Variants in MMUT observed in about 807,000 individuals in gnomAD.
MMUT encodes the protein methylmalonyl-CoA mutase.
In MMUT, 79 loss-of-function variants were observed where a neutral mutation model predicts 79.9. That is an observed-to-expected ratio of 0.99 (90% CI 0.82 to 1.19). The LOEUF (loss-of-function observed/expected upper bound fraction) is 1.19. Ranked by LOEUF, MMUT falls within the 50% of genes most tolerant of loss-of-function variation. The probability of loss-of-function intolerance (pLI) is 0.00; values close to 1 mark genes in which losing one functional copy is unlikely to be tolerated. For synonymous variants in MMUT, 273 were observed against 295.7 expected (o/e 0.92, Z 0.79); for missense variants, 860 against 917.2 (o/e 0.94, Z 0.81).
intron 11 of MMUT, among the ~76,000 whole-genome samples, chr6:49,437,086 AT>A (rs574024920): frequency 3.0e-4 from 45 of 152,200 alleles, no homozygotes; most frequent in Admixed American, 2.1e-3. Context: ...AAAAAATAAT[AT>A]TTTTTTGAAT....
chr6:49,451,643 CA>C lies in MMUT; in HGVS notation c.1154del (p.Leu385CysfsTer15). 1 of 1,614,084 alleles carries C rather than the reference CA, an allele frequency of 6.2e-7. No individual in the cohort carries two copies. The highest frequency in any genetic ancestry group is 1.1e-5 in the South Asian group (1 of 91,078). The stretch of plus-strand genomic sequence containing the variant: ...AAGCTTCATCAAAAGAATTTGTGTG[CA>C]AAGACTGAGTCCCTCCAAATACTGC... Reference protein sequence around the residue: ...MAAVFGGTQSLHTNSFDEALG... With the variant: ...MAAVFGGTQSXHTNSFDEALG... On this transcript the variant is annotated frameshift_variant, in exon 6 of 13. Transcript: ENST00000274813. LOFTEE classifies it high-confidence loss of function.
chr6:49,444,862 T>C, intron 8 of MMUT, 108 bp from the exon 9 acceptor site: 2 of 754,464 alleles, frequency 2.7e-6, no homozygotes, highest in Non-Finnish European at 4.4e-6. Flanking sequence ...TCCATAATCC[T>C]AACTCCAAAT....
intron 9 of MMUT, 80 bp downstream of exon 9, chr6:49,444,558 AC>A (rs1767359224): frequency 9.0e-7 from 1 of 1,116,910 alleles, no homozygotes; most frequent in Non-Finnish European, 1.4e-6. Flanking sequence ...TACAGGATCA[AC>A]CTTTTATTTA....
intron 1 of MMUT, 22 bp from the exon 2 acceptor site, chr6:49,459,527 A>AGGAAGCGGAGCTTGCAGTGAGCCGAG: frequency 6.4e-7 from 1 of 1,569,812 alleles, no homozygotes; most frequent in Non-Finnish European, 8.6e-7. Context: ...AACATAGAGT[A>AGGAAGCGGAGCTTGCAGTGAGCCGAG]AAAACATTTA....
chr6:49,448,844 A>T lies in MMUT; in HGVS notation c.1416T>A (p.Ala472=). Residue 472 remains alanine, a synonymous_variant, in exon 7 of 13, where the codon GCT becomes GCA. Coordinates refer to ENST00000274813, the MANE Select transcript of MMUT (RefSeq NM_000255.4). ...GIPKLRIEEC[A]ARRQARIDSG... ...AATCTATTCTAGCTTGTCTTCGGGC[A>T]GCACATTCTTCAATTCGAAGTTTAG... The T allele has an allele frequency of 1.2e-6, 2 of 1,613,546 alleles. No homozygotes were observed. The highest frequency in any genetic ancestry group is 2.7e-5 in the African/African-American group (2 of 75,014).
intron 5 of MMUT, among the ~76,000 whole-genome samples, chr6:49,452,701 T>A (rs1335383615): frequency 6.6e-6 from 1 of 152,178 alleles, no homozygotes; most frequent in Non-Finnish European, 1.5e-5. Context: ...ATTCAACATT[T>A]AAATGTATAA....
chr6:49,434,254 C>T (rs1207691609), intron 12 of MMUT, among the ~76,000 whole-genome samples: 1 of 151,964 alleles, frequency 6.6e-6, no homozygotes, highest in East Asian at 1.9e-4. Flanking sequence ...AATAGGCAAG[C>T]ATATTAACAA....
intron 1 of MMUT, 108 bp from the exon 2 acceptor site, chr6:49,459,613 T>C: frequency 1.1e-6 from 1 of 892,746 alleles, no homozygotes; most frequent in Non-Finnish European, 1.7e-6. Flanking sequence ...TCTGATTTCA[T>C]TTCTTCCCCT....
intron 12 of MMUT, among the ~76,000 whole-genome samples, chr6:49,433,985 GA>G (rs2127412814): frequency 6.6e-6 from 1 of 152,194 alleles, no homozygotes; most frequent in South Asian, 2.1e-4. Flanking sequence ...TAAATATCCA[GA>G]GAATTAATAC....
In MMUT at chr6:49,459,291, A is replaced by C. The variant is rs759122913; in HGVS notation, c.176T>G (p.Leu59Arg). ...KQLKGKNPED[L>R]IWHTPEGISI... ...GATCCCTTCCGGGGTGTGCCATATTAGGTCTTCTGGGTTTTTGCCTTTCAG... is the reference window on the plus strand; with the variant it reads ...GATCCCTTCCGGGGTGTGCCATATTCGGTCTTCTGGGTTTTTGCCTTTCAG... The change falls in exon 2 of 13, where the codon CTA (leucine) becomes CGA (arginine). Residue 59 changes from leucine (L) to arginine (R), a missense_variant. Transcript: ENST00000274813. 1 of 1,614,050 alleles carries C rather than the reference A, an allele frequency of 6.2e-7. No homozygotes were observed. Among genetic ancestry groups the C allele is most frequent in the Non-Finnish European group, 8.5e-7 (1 of 1,180,028 alleles).
Position 49,459,376 on chromosome 6 carries a change from G to A in MMUT, c.91C>T (p.Arg31Ter), listed in dbSNP as rs398123278. The A allele has an allele frequency of 1.3e-5, 21 of 1,613,628 alleles. No individual in the cohort carries two copies. The highest frequency in any genetic ancestry group is 5.3e-5 in the African/African-American group (4 of 74,816). ...ESSGSRLIQQ[R>*]LLHQQQPLHP... is the part of the protein sequence containing the mutation. ...AGGGGCTGTTGCTGGTGTAGAAGTC[G>A]TTGCTGTATGAGCCTGGAGCCTGAT... is the stretch of plus-strand genomic sequence containing the variant. Residue 31 changes from arginine (R) to a stop codon, truncating the protein, a stop_gained, in exon 2 of 13, where the codon CGA becomes TGA. Transcript: ENST00000274813. LOFTEE classifies it high-confidence loss of function.
intron 6 of MMUT, among the ~76,000 whole-genome samples, chr6:49,450,095 G>C (rs564620758): frequency 1.3e-5 from 2 of 152,054 alleles, no homozygotes; most frequent in South Asian, 4.2e-4. Context: ...TCCGGGTGTG[G>C]TGGTGTGTGC....
chr6:49,448,993 T>C, intron 6 of MMUT, 66 bp from the exon 7 acceptor site: 1 of 928,284 alleles, frequency 1.1e-6, no homozygotes, highest in South Asian at 1.4e-5. Flanking sequence ...TATATAAATT[T>C]GTTATGAGTG....
chr6:49,443,610 T>A (rs573022721), intron 9 of MMUT, among the ~76,000 whole-genome samples: 1 of 152,114 alleles, frequency 6.6e-6, no homozygotes, highest in East Asian at 1.9e-4. Flanking sequence ...GTTCTTAATA[T>A]AATAAATTTA....
intron 8 of MMUT, among the ~76,000 whole-genome samples, 159 bp downstream of exon 8, chr6:49,447,511 A>G (rs763387568): frequency 6.6e-6 from 1 of 151,820 alleles, no homozygotes; most frequent in Non-Finnish European, 1.5e-5. Context: ...AAGTTTCTCA[A>G]TGCCTTATCT....
intron 7 of MMUT, among the ~76,000 whole-genome samples, 174 bp downstream of exon 7, chr6:49,448,642 G>A (rs1017664280): frequency 7.2e-5 from 11 of 152,068 alleles, no homozygotes; most frequent in Non-Finnish European, 1.3e-4. Flanking sequence ...TTGCCTGTGT[G>A]CATCCATGTA....
At chr6:49,451,437 A>T (rs1470322780) in intron 6 of MMUT, 29 bp downstream of exon 6, 1 of 1,611,472 alleles carries the variant, frequency 6.2e-7, no homozygotes, top group Non-Finnish European at 8.5e-7. Flanking sequence ...TAAATTCTGA[A>T]AACAAAGTTG....
intron 7 of MMUT, among the ~76,000 whole-genome samples, chr6:49,448,269 T>C (rs1035351936): frequency 1.3e-5 from 2 of 152,046 alleles, no homozygotes; most frequent in Admixed American, 1.3e-4. Flanking sequence ...ATTATTACTC[T>C]TATATAAAAC....
chr6:49,431,635 G>T lies in MMUT; in HGVS notation c.*93C>A. The T allele has an allele frequency of 1.5e-6, 2 of 1,314,658 alleles. No individual in the cohort carries two copies. The highest frequency in any genetic ancestry group is 2.2e-6 in the Non-Finnish European group (2 of 920,990). 81.4% of individuals were successfully genotyped at this position (1,314,658 alleles called of 1,614,324 possible). ...AGCTTTCAAGGAAAGTACAAATCAG[G>T]TATTGAAATTAAATTGAAGACATAG... On this transcript the variant is annotated 3_prime_UTR_variant, in exon 13 of 13. Coordinates refer to ENST00000274813, the MANE Select transcript of MMUT (RefSeq NM_000255.4).
Sources: gnomAD v4.1 joint callset for allele counts (sites outside exome capture counted in the v4.1 genomes callset) on GRCh38, gnomAD v4.1.1 for gene constraint, MANE v1.5 for transcripts, NCBI Gene and HGNC (gene_info 2026-07-23, HGNC 2026-07-21) for gene names.